TIMP3: variants seen among roughly 807,000 people sequenced by gnomAD.
TIMP3 encodes TIMP metallopeptidase inhibitor 3, also known as metalloproteinase inhibitor 3.
Under a neutral mutation model 30.0 loss-of-function variants are expected in TIMP3, and 11 were observed. That is an observed-to-expected ratio of 0.37 (90% CI 0.23 to 0.61). The LOEUF is 0.61. Among genes scored for constraint, TIMP3 ranks in the 20% least tolerant of loss-of-function variants. The pLI is 0.70. For missense variants in TIMP3, 181 were observed against 276.8 expected (o/e 0.65, Z 2.45); for synonymous variants, 112 against 111.3 (o/e 1.01, Z -0.04).
chr22:32,854,744 G>A (rs1411371124), intron 2 of TIMP3, among the ~76,000 whole-genome samples: 1 of 152,128 alleles, frequency 6.6e-6, no homozygotes, highest in African/African-American at 2.4e-5. Flanking sequence ...GAGTGTGGAC[G>A]GCACTTCTTC....
chr22:32,857,451 C>T, intron 3 of TIMP3, 91 bp downstream of exon 3: 1 of 948,466 alleles, frequency 1.1e-6, no homozygotes, highest in Non-Finnish European at 1.7e-6. Context: ...AGTTGACTCA[C>T]CAAATGTCCA....
intron 3 of TIMP3, among the ~76,000 whole-genome samples, chr22:32,857,756 C>A (rs147736491): frequency 6.6e-6 from 1 of 152,308 alleles, no homozygotes; most frequent in Admixed American, 6.5e-5. Flanking sequence ...GAAGAGTTGG[C>A]CTCTAGTCCT....
intron 4 of TIMP3, among the ~76,000 whole-genome samples, chr22:32,858,418 C>A (rs938494577): frequency 1.3e-5 from 2 of 152,132 alleles, no homozygotes; most frequent in Non-Finnish European, 2.9e-5. Flanking sequence ...GAGTCCCTGG[C>A]CCCACCTGGC....
rs748100358 is a variant in TIMP3, at chr22:32,837,222, G to A, written c.122-12230G>A. Among the ~76,000 whole-genome samples the A allele has an allele frequency of 4.6e-5, 7 of 152,188 alleles. No homozygotes were observed. Among genetic ancestry groups the A allele is most frequent in the Non-Finnish European group, 7.3e-5 (5 of 68,036 alleles). ...TATTTTTCTGGGCACTGCTTCAAAG[G>A]GGCTGTGGTTGAAGACCATGCTGCT... is the stretch of plus-strand genomic sequence containing the variant. On this transcript the variant is annotated intron_variant, in intron 1 of 4. Coordinates refer to ENST00000266085, the MANE Select transcript of TIMP3 (RefSeq NM_000362.5). This position sits in a 1 kb window ranked among gnomAD's most constrained non-coding sequence, Gnocchi z 4.1.
At position 32,801,931 on chromosome 22, in the gene TIMP3, C is replaced by A; in HGVS notation, c.-71C>A. On this transcript the variant is annotated 5_prime_UTR_variant, in exon 1 of 5. Coordinates refer to ENST00000266085, the MANE Select transcript of TIMP3 (RefSeq NM_000362.5). This position sits in a 1 kb window ranked among gnomAD's most constrained non-coding sequence, Gnocchi z 4.7. ...GGCGAGCGAGCTCGGGCTGCAGCAG[C>A]CCCGCCGGCGGCGCGCACGGCAACT... 1 of 1,511,048 alleles carries A rather than the reference C, an allele frequency of 6.6e-7. No homozygotes were observed. 93.6% of individuals were successfully genotyped at this position (1,511,048 alleles called of 1,614,324 possible).
At chr22:32,809,894 A>T (rs563931343) in intron 1 of TIMP3, among the ~76,000 whole-genome samples, 1 of 152,110 alleles carries the variant, frequency 6.6e-6, no homozygotes, top group African/African-American at 2.4e-5. Flanking sequence ...CCAGCTTAGC[A>T]TCTCTTCTCC....
intron 1 of TIMP3, among the ~76,000 whole-genome samples, chr22:32,803,990 C>G (rs1216031263): frequency 6.6e-6 from 1 of 152,122 alleles, no homozygotes; most frequent in Non-Finnish European, 1.5e-5. Context: ...CTGCTTACTG[C>G]TTAGGTTTCC....
intron 1 of TIMP3, among the ~76,000 whole-genome samples, chr22:32,835,308 T>C (rs1601495498): frequency 6.6e-6 from 1 of 152,254 alleles, no homozygotes; most frequent in Admixed American, 6.5e-5. Context: ...TAGATACAAT[T>C]GTGAGCAAAG....
chr22:32,853,866 A>G lies in TIMP3; in HGVS notation c.205-3383A>G, dbSNP rs556501489. The stretch of plus-strand genomic sequence containing the variant: ...TTTACAGATGAAGAAACTGAGACCC[A>G]AAGAGGTTAAGTAACTTTCCAAGTG... On this transcript the variant is annotated intron_variant, in intron 2 of 4. Transcript: ENST00000266085. Among the ~76,000 whole-genome samples the G allele has an allele frequency of 4.6e-5, 7 of 152,362 alleles. No homozygotes were observed. In the South Asian group the frequency reaches 1.4e-3, roughly 32 times the overall value.
At chr22:32,843,904 CT>C in intron 1 of TIMP3, among the ~76,000 whole-genome samples, 1 of 152,038 alleles carries the variant, frequency 6.6e-6, no homozygotes, top group Non-Finnish European at 1.5e-5. Context: ...TCTATGGGGT[CT>C]TTGGAGAGAC....
intron 1 of TIMP3, among the ~76,000 whole-genome samples, chr22:32,805,871 G>C (rs1466784523): frequency 2.0e-5 from 3 of 151,802 alleles, no homozygotes; most frequent in African/African-American, 4.8e-5. Flanking sequence ...TCTACATCTG[G>C]GTTTTCTTTA....
At chr22:32,842,792 A>ATATACTGT (rs2047951129) in intron 1 of TIMP3, among the ~76,000 whole-genome samples, 1 of 152,154 alleles carries the variant, frequency 6.6e-6, no homozygotes, top group African/African-American at 2.4e-5. Context: ...AGATGATACG[A>ATATACTGT]TATACTGTTA....
intron 1 of TIMP3, among the ~76,000 whole-genome samples, chr22:32,810,558 T>C (rs977172161): frequency 6.6e-6 from 1 of 151,476 alleles, no homozygotes; most frequent in Non-Finnish European, 1.5e-5. Flanking sequence ...AGAGGGGAAG[T>C]CCTGAGCTGA....
rs1003633341 is a variant in TIMP3, at chr22:32,807,149, C to T, written c.121+5027C>T. 5.3e-4 allele frequency among the ~76,000 whole-genome samples: 80 copies of T among 150,390 alleles called. 1 individual carries two copies. Among genetic ancestry groups the T allele is most frequent in the African/African-American group, 1.9e-3 (78 of 40,772 alleles). On this transcript the variant is annotated intron_variant, in intron 1 of 4. Transcript: ENST00000266085. ...CACCACATTGGCAGACTGGGTAGCT[C>T]CCCCTGGGGACCCCTAACTCATCCC...
At position 32,855,336 on chromosome 22, in the gene TIMP3, A is replaced by G. The variant is rs533032698; in HGVS notation, c.205-1913A>G. 2.1e-4 allele frequency among the ~76,000 whole-genome samples: 32 copies of G among 152,304 alleles called. No individual in the cohort carries two copies. The East Asian group carries it at 4.8e-3, about 23-fold the overall frequency. On this transcript the variant is annotated intron_variant, in intron 2 of 4. Coordinates refer to ENST00000266085, the MANE Select transcript of TIMP3 (RefSeq NM_000362.5). The stretch of plus-strand genomic sequence containing the variant: ...TTCACCCCAGTGACTCTGGGCACAC[A>G]CTGTGCCTCTGAAGGAGGCACAGTG...
intron 1 of TIMP3, among the ~76,000 whole-genome samples, chr22:32,843,556 T>C (rs1601519712): frequency 6.6e-6 from 1 of 152,176 alleles, no homozygotes; most frequent in South Asian, 2.1e-4. Context: ...CTGTGGGAGA[T>C]GATAAAATAC....
intron 1 of TIMP3, among the ~76,000 whole-genome samples, chr22:32,823,195 C>T (rs1323037360): frequency 6.6e-6 from 1 of 152,190 alleles, no homozygotes; most frequent in Non-Finnish European, 1.5e-5. Context: ...GCCAGCACAG[C>T]CCATCCCTTT....
In TIMP3 at chr22:32,801,976, C is replaced by T. The variant is rs1380404535; in HGVS notation, c.-26C>T. 1.3e-6 allele frequency: 2 copies of T among 1,580,486 alleles called. No homozygotes were observed. Among genetic ancestry groups the T allele is most frequent in the African/African-American group, 1.3e-5 (1 of 74,380 alleles). On this transcript the variant is annotated 5_prime_UTR_variant, in exon 1 of 5. Transcript: ENST00000266085. The surrounding 1 kb of genome is among the most constrained non-coding windows in gnomAD (Gnocchi z 4.7). ...GCAACTTTGGAGAGGCGAGCAGCAGCCCCGGCAGCGGCGGCAGCAGCGGCA... is the reference window on the plus strand; with the variant it reads ...GCAACTTTGGAGAGGCGAGCAGCAGTCCCGGCAGCGGCGGCAGCAGCGGCA...
At chr22:32,858,967 A>G (rs528464456) in intron 4 of TIMP3, among the ~76,000 whole-genome samples, 1 of 152,302 alleles carries the variant, frequency 6.6e-6, no homozygotes, top group Admixed American at 6.5e-5. Context: ...AAACTGTGAT[A>G]AGAATTAAAG....
Sources: gnomAD v4.1 joint callset for allele counts (sites outside exome capture counted in the v4.1 genomes callset) on GRCh38, gnomAD v4.1.1 for gene constraint, Gnocchi (gnomAD v3.1) non-coding constraint, MANE v1.5 for transcripts, NCBI Gene and HGNC (gene_info 2026-07-23, HGNC 2026-07-21) for gene names.